The following GSTM2 variants were observed in gnomAD, a reference collection of about 807,000 sequenced individuals.
GSTM2 encodes the protein glutathione S-transferase mu 2, also known as GST class-mu 2.
Under a neutral mutation model 33.3 loss-of-function variants are expected in GSTM2, and 33 were observed. That is an observed-to-expected ratio of 0.99 (90% CI 0.75 to 1.33). The LOEUF (loss-of-function observed/expected upper bound fraction) is 1.33. Among genes scored for constraint, GSTM2 ranks in the 40% most tolerant of loss-of-function variants. GSTM2 has a pLI of 0.00. For synonymous variants in GSTM2, 93 were observed against 95.6 expected (o/e 0.97, Z 0.16); for missense variants, 213 against 265.8 (o/e 0.80, Z 1.38).
intron 5 of GSTM2, chr1:109,669,786 T>C (rs1647465370): frequency 3.6e-6 from 2 of 549,468 alleles, no homozygotes; most frequent in Non-Finnish European, 6.5e-6. Flanking sequence ...GTCCGCAGTT[T>C]CTTCCTTCCG....
At chr1:109,675,959 C>T (rs1171273696), downstream of GSTM2, among the ~76,000 whole-genome samples, 1 of 152,238 alleles carries the variant, frequency 6.6e-6, no homozygotes, top group Non-Finnish European at 1.5e-5. Context: ...TTCCACAGGG[C>T]CTGGGAGGCC....
chr1:109,682,665 C>G (rs1647880979), intron 7 of GSTM2, among the ~76,000 whole-genome samples: 1 of 128,194 alleles, frequency 7.8e-6, no homozygotes, highest in Non-Finnish European at 1.9e-5. Flanking sequence ...TCTTGAAATT[C>G]TAGTTTGTTT....
chr1:109,670,382 G>C, intron 5 of GSTM2: 1 of 152,116 alleles, frequency 6.6e-6, no homozygotes, highest in East Asian at 1.9e-4. Context: ...CAAGACTGTG[G>C]TCCTGCCAAA....
At position 109,672,822 on chromosome 1, in the gene GSTM2, G is replaced by A. The variant is rs557255332; in HGVS notation, c.567+1239G>A. On this transcript the variant is annotated intron_variant, in intron 7 of 7. Coordinates refer to ENST00000241337, the MANE Select transcript of GSTM2 (RefSeq NM_000848.4). Reference sequence around the variant, plus strand: ...ATATGTGGGTGCCCCTGTTGAAGGAGCTTATGCTGAAATGCCCTGTGCTGG... The same window carrying A: ...ATATGTGGGTGCCCCTGTTGAAGGAACTTATGCTGAAATGCCCTGTGCTGG... 1.2e-4 allele frequency among the ~76,000 whole-genome samples: 18 copies of A among 151,970 alleles called. No individual in the cohort carries two copies. In the South Asian group the frequency reaches 2.5e-3, roughly 21 times the overall value.
At chr1:109,676,168 G>T (rs1425006709), downstream of GSTM2, among the ~76,000 whole-genome samples, 3 of 152,152 alleles carry the variant, frequency 2.0e-5, no homozygotes, top group African/African-American at 7.2e-5. Flanking sequence ...GACACCTGGG[G>T]ATTATTACAA....
At chr1:109,668,229 T>G in intron 1 of GSTM2, 78 bp downstream of exon 1, 1 of 1,463,438 alleles carries the variant, frequency 6.8e-7, no homozygotes, top group Non-Finnish European at 9.5e-7. Flanking sequence ...GGACGGGCTC[T>G]AGGGACGGTT....
At position 109,669,361 on chromosome 1, in the gene GSTM2, G is replaced by C. The variant is rs1454687785; in HGVS notation, c.249G>C (p.Lys83Asn). The change falls in exon 4 of 8, where the codon AAG becomes AAC. Residue 83 changes from lysine (K) to asparagine (N), a missense_variant. By Grantham distance (94) the Lys-to-Asn change is moderately conservative (BLOSUM62 0). Transcript: ENST00000241337. Reference sequence around the variant, plus strand: ...CCATCCTGCGGTACATTGCCCGCAAGCACAACCTGTGTGAGTAGATTTGGT... The same window carrying C: ...CCATCCTGCGGTACATTGCCCGCAACCACAACCTGTGTGAGTAGATTTGGT... ...SNAILRYIAR[K>N]HNLCGESEKE... 1 of 1,614,132 alleles carries C rather than the reference G, an allele frequency of 6.2e-7. No individual in the cohort carries two copies. Among genetic ancestry groups the C allele is most frequent in the Non-Finnish European group, 8.5e-7 (1 of 1,180,046 alleles).
At chr1:109,668,643 C>G (rs1029147283) in intron 2 of GSTM2, 143 bp downstream of exon 2, 39 of 1,009,312 alleles carry the variant, frequency 3.9e-5, no homozygotes, top group Non-Finnish European at 5.9e-5. Context: ...GGTGAGGGAG[C>G]TCCTTGCAAG....
chr1:109,682,702 T>C (rs1647882787), intron 7 of GSTM2, among the ~76,000 whole-genome samples: 2 of 127,732 alleles, frequency 1.6e-5, no homozygotes, highest in Admixed American at 1.5e-4. Flanking sequence ...CACAGGCATG[T>C]TGGAAAAATG....
chr1:109,668,194 GGC>G, intron 1 of GSTM2, 43 bp downstream of exon 1: 1 of 1,530,428 alleles, frequency 6.5e-7, no homozygotes, highest in Non-Finnish European at 9.0e-7. Context: ...GGTGCGTGGG[GGC>G]GGGGAAGTGT....
chr1:109,673,316 T>C (rs1290408585), intron 7 of GSTM2: 2 of 1,574,184 alleles, frequency 1.3e-6, no homozygotes, highest in Non-Finnish European at 1.7e-6. Context: ...GACAGCCCCA[T>C]CCTGGAAATG....
At chr1:109,669,624 CT>C (rs569148895) in intron 5 of GSTM2, 53 bp downstream of exon 5, 1 of 1,138,816 alleles carries the variant, frequency 8.8e-7, no homozygotes, top group Non-Finnish European at 1.3e-6. Context: ...CCAGTCTCCC[CT>C]TTCCCTGCAG....
chr1:109,673,685 C>T (rs550288946), intron 7 of GSTM2, among the ~76,000 whole-genome samples: 7 of 152,220 alleles, frequency 4.6e-5, no homozygotes, highest in African/African-American at 7.2e-5. Flanking sequence ...CTGCAACCTC[C>T]GCTTCCTGGG....
At chr1:109,677,828 CATGTGT>C (rs1647742093), downstream of GSTM2, among the ~76,000 whole-genome samples, 2 of 152,178 alleles carry the variant, frequency 1.3e-5, no homozygotes, top group African/African-American at 4.8e-5. Flanking sequence ...CTGTGCACTG[CATGTGT>C]ATTACACTTC....
chr1:109,671,589 G>A lies in GSTM2; in HGVS notation c.567+6G>A. ...ACTTCATCTCCCGATTTGAGGTGATGCCCCCAGCCTCCTTTCTCTTTATGT... is the reference window on the plus strand; with the variant it reads ...ACTTCATCTCCCGATTTGAGGTGATACCCCCAGCCTCCTTTCTCTTTATGT... On this transcript the variant is annotated splice_donor_region_variant and intron_variant, in intron 7 of 7. Coordinates refer to ENST00000241337, the MANE Select transcript of GSTM2 (RefSeq NM_000848.4). The A allele has an allele frequency of 2.8e-6, 4 of 1,430,588 alleles. No homozygotes were observed. Among genetic ancestry groups the A allele is most frequent in the Non-Finnish European group, 4.0e-6 (4 of 1,012,500 alleles). The allele number at this position is 1,430,588 out of a possible 1,614,324, so 88.6% of individuals were successfully genotyped here. A position where few individuals can be genotyped will look rare whatever the true frequency, so the allele number is the denominator to read the frequency against.
intron 2 of GSTM2, 24 bp downstream of exon 2, chr1:109,668,524 C>A (rs1381975566): frequency 6.2e-7 from 1 of 1,612,234 alleles, no homozygotes; most frequent in Non-Finnish European, 8.5e-7. Context: ...CGAGTCTGGG[C>A]CCTGCCCCCT....
At position 109,671,973 on chromosome 1, in the gene GSTM2, GAAA is replaced by G. The variant is rs34285855; in HGVS notation, c.567+410_567+412del. Among the ~76,000 whole-genome samples, 11 of 76,386 alleles carry G rather than the reference GAAA, an allele frequency of 1.4e-4. No individual in the cohort carries two copies. The South Asian group carries it at 1.5e-3, about 10-fold the overall frequency. The allele number at this position is 76,386 out of a possible 152,430, so 50.1% of individuals were successfully genotyped here. A position where few individuals can be genotyped will look rare whatever the true frequency, so the allele number is the denominator to read the frequency against. On this transcript the variant is annotated intron_variant, in intron 7 of 7. Transcript: ENST00000241337. Reference sequence around the variant, plus strand: ...ATGACAGAGTGTGACTCCATCTCAAGAAAAAAAAAAAAAAAAAAAAAAGGAGCC... The same window carrying G: ...ATGACAGAGTGTGACTCCATCTCAAGAAAAAAAAAAAAAAAAAAAGGAGCC...
In GSTM2 at chr1:109,674,943, T is replaced by G; in HGVS notation, c.*107T>G. The G allele has an allele frequency of 1.4e-6, 2 of 1,473,030 alleles. No individual in the cohort carries two copies. The highest frequency in any genetic ancestry group is 4.6e-5 in the East Asian group (2 of 43,542). 91.2% of individuals were successfully genotyped at this position (1,473,030 alleles called of 1,614,324 possible). A position where few individuals can be genotyped will look rare whatever the true frequency, so the allele number is the denominator to read the frequency against. On this transcript the variant is annotated 3_prime_UTR_variant, in exon 8 of 8. Transcript: ENST00000241337. ...TCCCAGCACCTGCCTCCTCGTTCCTTTCTCCTGTTTATTCCCATCTTTACT... is the reference window on the plus strand; with the variant it reads ...TCCCAGCACCTGCCTCCTCGTTCCTGTCTCCTGTTTATTCCCATCTTTACT...
At chr1:109,678,880 T>C (rs1039601779), downstream of GSTM2, among the ~76,000 whole-genome samples, 1 of 152,222 alleles carries the variant, frequency 6.6e-6, no homozygotes, top group Non-Finnish European at 1.5e-5. Context: ...GTCATTCTTA[T>C]GCTATGGCAT....
Sources: allele counts gnomAD v4.1 joint callset (sites outside exome capture counted in the v4.1 genomes callset), GRCh38; gene constraint gnomAD v4.1.1; transcripts MANE v1.5; gene names NCBI Gene and HGNC (gene_info 2026-07-23, HGNC 2026-07-21).